Variants in PLCL1 observed in about 807,000 individuals in gnomAD.
The protein encoded by PLCL1 is inactive phospholipase C-like protein 1.
A neutral mutation model predicts 84.4 loss-of-function variants in PLCL1; 41 were observed. That is an observed-to-expected ratio of 0.49 (90% CI 0.38 to 0.63). The LOEUF (loss-of-function observed/expected upper bound fraction) is 0.63, where lower values mean the gene tolerates loss of function less well. Ranked by LOEUF, PLCL1 falls within the 30% of genes least tolerant of loss-of-function variation. The pLI is 0.00. For missense variants in PLCL1, 1,206 were observed against 1,367.8 expected, an observed-to-expected ratio of 0.88 and a Z score of 1.87; for synonymous variants, 490 against 488.3, an observed-to-expected ratio of 1.00 and a Z score of -0.05.
chr2:197,992,624 C>T (rs981508346), intron 1 of PLCL1, among the ~76,000 whole-genome samples: 1 of 152,074 alleles, frequency 6.6e-6, no homozygotes, highest in Non-Finnish European at 1.5e-5. Context: ...TGTAGTGCAA[C>T]CATCACACCA....
chr2:197,876,286 C>T (rs866666757), intron 1 of PLCL1, among the ~76,000 whole-genome samples: 12 of 152,076 alleles, frequency 7.9e-5, no homozygotes, highest in Admixed American at 2.0e-4. Flanking sequence ...AATATTGGCC[C>T]AGAAGAGGGG....
intron 1 of PLCL1, among the ~76,000 whole-genome samples, chr2:198,038,350 T>C (rs1255723184): frequency 6.6e-6 from 1 of 152,138 alleles, no homozygotes; most frequent in Non-Finnish European, 1.5e-5. Flanking sequence ...TCAACTTTAT[T>C]GTAAGTCTGT....
At chr2:198,033,319 C>G (rs185825477) in intron 1 of PLCL1, among the ~76,000 whole-genome samples, 1 of 152,244 alleles carries the variant, frequency 6.6e-6, no homozygotes, top group East Asian at 1.9e-4. Context: ...TCTCACAAAG[C>G]CTTTCATCCC....
At chr2:197,976,892 GGGCTGAATCTT>G (rs1689992555) in intron 1 of PLCL1, among the ~76,000 whole-genome samples, 2 of 152,056 alleles carry the variant, frequency 1.3e-5, no homozygotes, top group Non-Finnish European at 2.9e-5. Flanking sequence ...ATCTTCTCTT[GGGCTGAATCTT>G]GGCTTTATTC....
Position 198,061,407 on chromosome 2 carries a change from G to A in PLCL1, c.241-22351G>A, listed in dbSNP as rs565260202. 7.2e-5 allele frequency among the ~76,000 whole-genome samples: 11 copies of A among 152,150 alleles called. No individual in the cohort carries two copies. The East Asian group carries it at 9.7e-4, about 13-fold the overall frequency. ...TACACATTATAAAGGGATGTTAACC[G>A]TTCGAATCCTCTTTAACGGCCCCCA... On this transcript the variant is annotated intron_variant, in intron 1 of 5. Coordinates refer to ENST00000428675, the MANE Select transcript of PLCL1 (RefSeq NM_006226.4).
chr2:198,005,456 G>A (rs1027854450), intron 1 of PLCL1, among the ~76,000 whole-genome samples: 2 of 152,204 alleles, frequency 1.3e-5, no homozygotes, highest in African/African-American at 4.8e-5. Context: ...AGTCCCTCCA[G>A]GCTAGTGTTC....
intron 5 of PLCL1, among the ~76,000 whole-genome samples, chr2:198,139,066 A>T (rs1694322054): frequency 6.6e-6 from 1 of 152,120 alleles, no homozygotes; most frequent in South Asian, 2.1e-4. Context: ...GAGGCAGGAG[A>T]ATCGCTTGAA....
intron 1 of PLCL1, among the ~76,000 whole-genome samples, chr2:197,847,776 C>T (rs969460941): frequency 1.6e-4 from 25 of 152,150 alleles, no homozygotes; most frequent in African/African-American, 4.6e-4. Flanking sequence ...ACACTTTTCC[C>T]GCTCTCAAGC....
chr2:197,958,675 C>T (rs1416698997), intron 1 of PLCL1, among the ~76,000 whole-genome samples: 1 of 152,030 alleles, frequency 6.6e-6, no homozygotes, highest in Non-Finnish European at 1.5e-5. Flanking sequence ...ACACTCATAG[C>T]AGGAGAGTTT....
chr2:197,935,168 C>G (rs1000123450), intron 1 of PLCL1, among the ~76,000 whole-genome samples: 1 of 152,148 alleles, frequency 6.6e-6, no homozygotes, highest in Non-Finnish European at 1.5e-5. Flanking sequence ...AAAGAGAACA[C>G]TTATACACTG....
At chr2:198,007,424 A>G (rs969353529) in intron 1 of PLCL1, among the ~76,000 whole-genome samples, 1 of 152,200 alleles carries the variant, frequency 6.6e-6, no homozygotes, top group Non-Finnish European at 1.5e-5. Context: ...AAACTCATAC[A>G]GAATAGCTGG....
intron 1 of PLCL1, among the ~76,000 whole-genome samples, chr2:198,055,911 A>G (rs1692060640): frequency 6.6e-6 from 1 of 152,174 alleles, no homozygotes; most frequent in Non-Finnish European, 1.5e-5. Context: ...GCCTCAGCTC[A>G]TTACAGCTTT....
chr2:197,915,365 T>C (rs970745168), intron 1 of PLCL1, among the ~76,000 whole-genome samples: 2 of 152,178 alleles, frequency 1.3e-5, no homozygotes, highest in African/African-American at 4.8e-5. Context: ...ATCTATTTCC[T>C]ACCCATATTT....
chr2:197,933,650 T>A (rs1315265211), intron 1 of PLCL1, among the ~76,000 whole-genome samples: 1 of 152,164 alleles, frequency 6.6e-6, no homozygotes, highest in Non-Finnish European at 1.5e-5. Context: ...TCATCGTGGA[T>A]AATTGAGAGC....
At chr2:197,873,358 G>A (rs1357310283) in intron 1 of PLCL1, among the ~76,000 whole-genome samples, 4 of 152,046 alleles carry the variant, frequency 2.6e-5, no homozygotes, top group African/African-American at 9.7e-5. Context: ...TCCAGTGCCT[G>A]TGGCCAGTAG....
At chr2:197,962,190 G>A (rs1689636716) in intron 1 of PLCL1, among the ~76,000 whole-genome samples, 1 of 151,996 alleles carries the variant, frequency 6.6e-6, no homozygotes, top group Non-Finnish European at 1.5e-5. Flanking sequence ...GTATTAATAA[G>A]TCATTTAGGA....
chr2:197,856,186 C>T (rs1239237156), intron 1 of PLCL1, among the ~76,000 whole-genome samples: 2 of 151,958 alleles, frequency 1.3e-5, no homozygotes, highest in Non-Finnish European at 2.9e-5. Context: ...TTTTGTTTCC[C>T]AATTTAGGGA....
Position 197,850,031 on chromosome 2 carries a change from G to GACACACACACAC in PLCL1, c.240+44729_240+44740dup, listed in dbSNP as rs5837563. ...ACACACAGACACACAGACACACACA[G>GACACACACACAC]ACACACACACACACACACACACACA... On this transcript the variant is annotated intron_variant, in intron 1 of 5. Transcript: ENST00000428675. Among the ~76,000 whole-genome samples the GACACACACACAC allele has an allele frequency of 1.9e-3, 259 of 134,984 alleles. 3 individuals are homozygous for GACACACACACAC. The highest frequency in any genetic ancestry group is 4.6e-3 in the African/African-American group (171 of 36,950). 88.6% of individuals were successfully genotyped at this position (134,984 alleles called of 152,430 possible). A position where few individuals can be genotyped will look rare whatever the true frequency, so the allele number is the denominator to read the frequency against.
chr2:197,907,997 T>C (rs989871369), intron 1 of PLCL1, among the ~76,000 whole-genome samples: 1 of 152,186 alleles, frequency 6.6e-6, no homozygotes, highest in Non-Finnish European at 1.5e-5. Flanking sequence ...TAACCTATCA[T>C]CTGACGTGAG....
Sources: allele counts gnomAD v4.1 joint callset (sites outside exome capture counted in the v4.1 genomes callset), GRCh38; gene constraint gnomAD v4.1.1; transcripts MANE v1.5; gene names NCBI Gene and HGNC (gene_info 2026-07-23, HGNC 2026-07-21).